FOCAD: variants seen among roughly 807,000 people sequenced by gnomAD.
The protein encoded by FOCAD is KIAA1797.
A neutral mutation model predicts 225.6 loss-of-function variants in FOCAD; 198 were observed. The ratio of observed to expected loss-of-function variants is 0.88; its 90% CI spans 0.78 to 0.99. The LOEUF (loss-of-function observed/expected upper bound fraction) is 0.99, where lower values mean the gene tolerates loss of function less well. Ranked by LOEUF, FOCAD falls within the 50% of genes least tolerant of loss-of-function variation. The pLI is 0.00. For missense variants in FOCAD, 2,713 were observed against 2,123.6 expected, an observed-to-expected ratio of 1.28 and a Z score of -5.46; for synonymous variants, 897 against 755.0, an observed-to-expected ratio of 1.19 and a Z score of -3.08.
chr9:20,860,068 A>G (rs1446531275), intron 15 of FOCAD, among the ~76,000 whole-genome samples: 2 of 152,144 alleles, frequency 1.3e-5, no homozygotes, highest in East Asian at 3.8e-4. Context: ...GTTGAATTAT[A>G]TATCAAAAGA....
intron 8 of FOCAD, among the ~76,000 whole-genome samples, chr9:20,775,586 T>TCAAAGAAGG (rs1413391036): frequency 4.6e-5 from 7 of 152,216 alleles, no homozygotes; most frequent in Non-Finnish European, 1.0e-4. Flanking sequence ...CCATCTTTGT[T>TCAAAGAAGG]TTGTCTGCTA....
At chr9:20,670,906 T>C (rs1563866747) in intron 2 of FOCAD, among the ~76,000 whole-genome samples, 1 of 152,190 alleles carries the variant, frequency 6.6e-6, no homozygotes, top group Non-Finnish European at 1.5e-5. Context: ...TTAACTGAGT[T>C]GTACCTCTAA....
chr9:20,874,986 C>T (rs1451680597), intron 19 of FOCAD, 179 bp downstream of exon 19: 4 of 738,714 alleles, frequency 5.4e-6, no homozygotes, highest in Non-Finnish European at 2.2e-6. Context: ...GTGTTTAAAT[C>T]ATACGAAAAA....
chr9:20,770,630 G>A (rs1486025162), intron 8 of FOCAD, among the ~76,000 whole-genome samples: 2 of 152,204 alleles, frequency 1.3e-5, no homozygotes, highest in Non-Finnish European at 2.9e-5. Context: ...AATTTGACAT[G>A]AGATTTGGGC....
intron 4 of FOCAD, among the ~76,000 whole-genome samples, chr9:20,727,508 T>A (rs576930422): frequency 3.9e-5 from 6 of 152,232 alleles, no homozygotes; most frequent in Admixed American, 2.0e-4. Context: ...TCAGTAACAT[T>A]ACATCTCTTA....
At chr9:20,947,002 T>G (rs541002310) in intron 30 of FOCAD, among the ~76,000 whole-genome samples, 182 bp downstream of exon 30, 1 of 152,334 alleles carries the variant, frequency 6.6e-6, no homozygotes, top group African/African-American at 2.4e-5. Flanking sequence ...TTTCTCTCCT[T>G]ATCCCCTGTC....
intron 10 of FOCAD, among the ~76,000 whole-genome samples, chr9:20,787,942 C>G (rs1820099222): frequency 6.6e-6 from 1 of 151,998 alleles, no homozygotes; most frequent in Non-Finnish European, 1.5e-5. Flanking sequence ...ATTTAATTGT[C>G]AAAGAAATTG....
intron 24 of FOCAD, among the ~76,000 whole-genome samples, chr9:20,922,257 C>A (rs150312437): frequency 1.3e-5 from 2 of 152,264 alleles, no homozygotes; most frequent in Admixed American, 1.3e-4. Context: ...AGGCTTCCTT[C>A]CCATTTTCTC....
intron 15 of FOCAD, among the ~76,000 whole-genome samples, chr9:20,826,355 G>T (rs894483175): frequency 6.6e-6 from 1 of 152,002 alleles, no homozygotes; most frequent in African/African-American, 2.4e-5. Flanking sequence ...GATGCTTCCT[G>T]CCCTCGAACA....
Position 20,951,074 on chromosome 9 carries a change from T to C in FOCAD, c.4027T>C (p.Ser1343Pro). The C allele has an allele frequency of 6.2e-7, 1 of 1,613,432 alleles. No homozygotes were observed. The highest frequency in any genetic ancestry group is 8.5e-7 in the Non-Finnish European group (1 of 1,179,452). Residue 1343 changes from serine to proline, a missense_variant, in exon 34 of 44, where the codon TCC becomes CCC. Coordinates refer to ENST00000338382, the MANE Select transcript of FOCAD (RefSeq NM_001375567.1). ...LLGHLHLSTLSSSQSRASVPT... is the reference protein window; with the variant it reads ...LLGHLHLSTLPSSQSRASVPT... ...TGGACATCTTCATCTATCTACTCTA[T>C]CCTCAAGTCAAAGTAGAGCCTCTGG...
At chr9:20,757,459 T>C (rs985344513) in intron 5 of FOCAD, among the ~76,000 whole-genome samples, 1 of 152,224 alleles carries the variant, frequency 6.6e-6, no homozygotes, top group African/African-American at 2.4e-5. Flanking sequence ...ATAGTCTCTT[T>C]AGGTATCTTA....
At chr9:20,758,044 G>A (rs751746927) in intron 5 of FOCAD, 46 bp from the exon 6 acceptor site, 6 of 1,304,656 alleles carry the variant, frequency 4.6e-6, no homozygotes, top group Non-Finnish European at 6.5e-6. Context: ...TTGAAAATGT[G>A]TAGTCCTGAA....
At position 20,786,077 on chromosome 9, in the gene FOCAD, G is replaced by A. The variant is rs555677816; in HGVS notation, c.1198-3274G>A. 4.6e-5 allele frequency among the ~76,000 whole-genome samples: 7 copies of A among 152,292 alleles called. No homozygotes were observed. The East Asian group carries it at 1.2e-3, about 25-fold the overall frequency. ...TTAACTTTTCTGGATTACCCAGGTA[G>A]TGAAGGGTAGAGTTGGAATTCAGAT... On this transcript the variant is annotated intron_variant, in intron 10 of 43. Transcript: ENST00000338382.
intron 5 of FOCAD, among the ~76,000 whole-genome samples, chr9:20,747,522 A>G (rs1475080732): frequency 6.6e-6 from 1 of 152,160 alleles, no homozygotes. Flanking sequence ...TTATGTAACC[A>G]TAATCACTGT....
chr9:20,664,941 A>G (rs917309157), intron 2 of FOCAD, among the ~76,000 whole-genome samples: 20 of 132,428 alleles, frequency 1.5e-4, no homozygotes, highest in Non-Finnish European at 3.3e-4. Flanking sequence ...AATGTTATAC[A>G]TAGTGGAAAA....
intron 4 of FOCAD, among the ~76,000 whole-genome samples, chr9:20,728,832 T>G (rs546341382): frequency 1.3e-5 from 2 of 152,196 alleles, no homozygotes; most frequent in African/African-American, 4.8e-5. Context: ...AAAAATGGAT[T>G]AATTTTTTTG....
chr9:20,784,554 G>A (rs1204257002), intron 10 of FOCAD, among the ~76,000 whole-genome samples: 1 of 152,134 alleles, frequency 6.6e-6, no homozygotes, highest in Non-Finnish European at 1.5e-5. Flanking sequence ...CTAAATTCTT[G>A]TAATTGTACA....
intron 27 of FOCAD, 141 bp from the exon 28 acceptor site, chr9:20,932,873 A>T: frequency 3.3e-6 from 2 of 604,684 alleles, no homozygotes; most frequent in Non-Finnish European, 5.8e-6. Context: ...AGAATAGGCA[A>T]CTCATCAATA....
chr9:20,862,510 C>G, intron 15 of FOCAD, 68 bp from the exon 16 acceptor site: 5 of 1,525,552 alleles, frequency 3.3e-6, no homozygotes, highest in Non-Finnish European at 4.4e-6. Flanking sequence ...AAATATAGTA[C>G]TCTTAATTAA....
Sources: gnomAD v4.1 joint callset for allele counts (sites outside exome capture counted in the v4.1 genomes callset) on GRCh38, gnomAD v4.1.1 for gene constraint, MANE v1.5 for transcripts, NCBI Gene and HGNC (gene_info 2026-07-23, HGNC 2026-07-21) for gene names.